Variants in DDX24 observed in about 807,000 individuals in gnomAD.
DDX24 encodes the protein ATP-dependent RNA helicase DDX24.
In DDX24, 24 loss-of-function variants were observed where a neutral mutation model predicts 68.9. That is an observed-to-expected ratio of 0.35 (90% CI 0.25 to 0.49). The LOEUF is 0.49. DDX24 is among the 20% of genes least tolerant of loss of function. The probability of loss-of-function intolerance (pLI) is 0.99; values close to 1 mark genes in which losing one functional copy is unlikely to be tolerated. For synonymous variants in DDX24, 395 were observed against 385.2 expected (o/e 1.03, Z -0.30); for missense variants, 989 against 1,039.0 (o/e 0.95, Z 0.66).
chr14:94,076,977 T>C (rs12881450), intron 2 of DDX24, among the ~76,000 whole-genome samples: 48,411 of 152,140 alleles, frequency 0.32, 7,884 homozygotes, highest in Admixed American at 0.39. Context: ...TGAACACATT[T>C]ATGATGATCC....
Position 94,057,829 on chromosome 14 carries a change from T to C in DDX24, c.1982A>G (p.His661Arg), listed in dbSNP as rs1283393412. Residue 661 changes from histidine to arginine, a missense_variant, in exon 6 of 9, where the codon CAT becomes CGT. Physicochemically the swap from His to Arg is conservative, Grantham distance 29. Around this residue, in one of 3 missense-constraint regions of DDX24, gnomAD observed 691 missense variants for 760.0 expected, o/e 0.91. Transcript: ENST00000621632. ...LDIPKVQHVIHYQVPRTSEIY... is the reference protein window; with the variant it reads ...LDIPKVQHVIRYQVPRTSEIY... ...ATTTTCAGATGCCCCTACCTGGTAATGGATGACATGCTGGACTTTAGGAAT... is the reference window on the plus strand; with the variant it reads ...ATTTTCAGATGCCCCTACCTGGTAACGGATGACATGCTGGACTTTAGGAAT... 6.2e-7 allele frequency: 1 copy of C among 1,613,722 alleles called. No homozygotes were observed.
Position 94,050,009 on chromosome 14 carries a change from C to A in DDX24, c.*1182G>T, listed in dbSNP as rs1181498565. 6.6e-6 allele frequency: 1 copy of A among 152,192 alleles called. No homozygotes were observed. The highest frequency in any genetic ancestry group is 1.5e-5 in the Non-Finnish European group (1 of 68,030). The allele number at this position is 152,192 out of a possible 1,614,324, so 9.4% of individuals were successfully genotyped here. A position where few individuals can be genotyped will look rare whatever the true frequency, so the allele number is the denominator to read the frequency against. On this transcript the variant is annotated 3_prime_UTR_variant, in exon 9 of 9. Coordinates refer to ENST00000621632, the MANE Select transcript of DDX24 (RefSeq NM_020414.4). ...ACTTAGATCTTGGGGTATCTTGGTC[C>A]CTTTGTGTATCCTCTTCAATTCCCT...
At chr14:94,064,562 A>G (rs1448166259) in intron 2 of DDX24, among the ~76,000 whole-genome samples, 1 of 152,214 alleles carries the variant, frequency 6.6e-6, no homozygotes, top group Non-Finnish European at 1.5e-5. Context: ...TATGCAATGG[A>G]ACCTCCACAA....
Position 94,079,745 on chromosome 14 carries a change from T to A in DDX24, c.-3A>T. ...GATTTTGTGTCCTTCAACTTCATGG[T>A]TGCTGAAAAGGAGATACATGTTCTA... On this transcript the variant is annotated splice_region_variant and 5_prime_UTR_variant, in exon 2 of 9. Coordinates refer to ENST00000621632, the MANE Select transcript of DDX24 (RefSeq NM_020414.4). 6.2e-7 allele frequency: 1 copy of A among 1,612,580 alleles called. No homozygotes were observed. The highest frequency in any genetic ancestry group is 8.5e-7 in the Non-Finnish European group (1 of 1,179,316).
chr14:94,051,271 A>G lies in DDX24; in HGVS notation c.2500T>C (p.Ser834Pro). 1.2e-6 allele frequency: 2 copies of G among 1,607,696 alleles called. No individual in the cohort carries two copies. Among genetic ancestry groups the G allele is most frequent in the Admixed American group, 1.7e-5 (1 of 58,692 alleles). The change falls in exon 9 of 9, where the codon TCC (serine) becomes CCC (proline). Residue 834 changes from serine (S) to proline (P), a missense_variant. By Grantham distance (74) the Ser-to-Pro change is moderately conservative (BLOSUM62 -1). Transcript: ENST00000621632. ...TTTGTCTTCTTCTTCTTCTGCTTGG[A>G]GAGACAGCTCAAAGCAGACTCGCTC... ...SKSESALSCLSKQKKKKTKKP... is the reference protein window; with the variant it reads ...SKSESALSCLPKQKKKKTKKP...
intron 2 of DDX24, among the ~76,000 whole-genome samples, chr14:94,074,962 G>A (rs910576086): frequency 2.0e-5 from 3 of 152,124 alleles, no homozygotes; most frequent in African/African-American, 7.2e-5. Flanking sequence ...CATAAGATGT[G>A]AAAAATCTAT....
chr14:94,056,674 ACTT>A (rs1885498438), intron 6 of DDX24: 1 of 152,228 alleles, frequency 6.6e-6, no homozygotes, highest in African/African-American at 2.4e-5. Context: ...GAGAACCCCA[ACTT>A]GAAGCTGGTT....
intron 1 of DDX24, among the ~76,000 whole-genome samples, chr14:94,080,139 G>A (rs577562853): frequency 4.6e-5 from 7 of 152,302 alleles, no homozygotes; most frequent in Non-Finnish European, 8.8e-5. Context: ...AAAGCACGGA[G>A]GATGAAACCT....
intron 2 of DDX24, among the ~76,000 whole-genome samples, chr14:94,067,192 T>C (rs904590201): frequency 2.0e-5 from 3 of 151,896 alleles, no homozygotes; most frequent in African/African-American, 7.3e-5. Flanking sequence ...TGTGAAATGC[T>C]GGGGAAAGTC....
intron 6 of DDX24, chr14:94,055,412 G>C (rs1055557401): frequency 1.7e-5 from 9 of 539,592 alleles, no homozygotes; most frequent in African/African-American, 3.7e-5. Flanking sequence ...CCCTGACCCT[G>C]GTTCAGGTCC....
intron 2 of DDX24, among the ~76,000 whole-genome samples, chr14:94,075,975 C>T (rs1016512640): frequency 6.6e-6 from 1 of 152,062 alleles, no homozygotes; most frequent in African/African-American, 2.4e-5. Flanking sequence ...CTGAGCATAC[C>T]TAGTTATTGA....
chr14:94,068,454 T>C (rs1595378135), intron 2 of DDX24, among the ~76,000 whole-genome samples: 2 of 152,270 alleles, frequency 1.3e-5, no homozygotes, highest in East Asian at 3.9e-4. Flanking sequence ...AGACAGATCA[T>C]CAAGACAGAA....
chr14:94,078,943 TTC>T, intron 2 of DDX24, 80 bp downstream of exon 2: 1 of 1,407,854 alleles, frequency 7.1e-7, no homozygotes, highest in Non-Finnish European at 9.7e-7. Context: ...TTCAACATTC[TTC>T]TCTCTCCCAA....
chr14:94,074,258 T>G (rs1289996609), intron 2 of DDX24, among the ~76,000 whole-genome samples: 2 of 152,108 alleles, frequency 1.3e-5, no homozygotes, highest in Non-Finnish European at 2.9e-5. Context: ...ACATTACTGA[T>G]TCCAACACCA....
Position 94,062,458 on chromosome 14 carries a change from C to G in DDX24, c.882G>C (p.Glu294Asp), listed in dbSNP as rs1363651660. ...CAGTATCGTCAGGCAATGCATCAGA[C>G]TCAGCTTCAGCCTTGCCTGGTGATC... is the stretch of plus-strand genomic sequence containing the variant. ...ETRSPGKAEA[E>D]SDALPDDTVI... The change falls in exon 3 of 9, where the codon GAG becomes GAC. Residue 294 changes from glutamate to aspartate, a missense_variant. Around this residue, in one of 3 missense-constraint regions of DDX24, gnomAD observed 691 missense variants for 760.0 expected, o/e 0.91. Transcript: ENST00000621632. 1 of 1,614,146 alleles carries G rather than the reference C, an allele frequency of 6.2e-7. No homozygotes were observed. Among genetic ancestry groups the G allele is most frequent in the Non-Finnish European group, 8.5e-7 (1 of 1,180,026 alleles).
At chr14:94,054,189 G>A (rs1204825719) in intron 7 of DDX24, among the ~76,000 whole-genome samples, 2 of 152,174 alleles carry the variant, frequency 1.3e-5, no homozygotes, top group Non-Finnish European at 2.9e-5. Context: ...TGTGATGTGG[G>A]GAAAGAAACC....
chr14:94,056,572 T>G (rs1382589853), intron 6 of DDX24: 1 of 151,652 alleles, frequency 6.6e-6, no homozygotes, highest in African/African-American at 2.4e-5. Context: ...CTATATTCTT[T>G]GTAATATCCT....
chr14:94,059,972 C>G, intron 5 of DDX24, 126 bp downstream of exon 5: 1 of 1,081,586 alleles, frequency 9.2e-7, no homozygotes, highest in South Asian at 2.1e-5. Context: ...AAAAAAAAGG[C>G]TACCTACTAC....
chr14:94,061,214 C>T (rs1595375433), intron 3 of DDX24, 148 bp from the exon 4 acceptor site: 4 of 862,740 alleles, frequency 4.6e-6, no homozygotes, highest in Non-Finnish European at 7.3e-6. Flanking sequence ...CCTGGCCAGA[C>T]TGTTGACGCC....
Sources: gnomAD v4.1 joint callset for allele counts (sites outside exome capture counted in the v4.1 genomes callset) on GRCh38, gnomAD v4.1.1 for gene constraint, gnomAD v4.1.1 regional missense constraint, MANE v1.5 for transcripts, NCBI Gene and HGNC (gene_info 2026-07-23, HGNC 2026-07-21) for gene names.